Variants in FER1L6 observed in about 807,000 individuals in gnomAD.
The protein encoded by FER1L6 is fer-1-like protein 6.
A neutral mutation model predicts 219.2 loss-of-function variants in FER1L6; 177 were observed. The observed-to-expected ratio is 0.81, with a 90% CI of 0.71 to 0.91. The LOEUF is 0.91. Among genes scored for constraint, FER1L6 ranks in the 40% least tolerant of loss-of-function variants. FER1L6 has a pLI of 0.00. For missense variants in FER1L6, 2,153 were observed against 2,259.9 expected, an observed-to-expected ratio of 0.95 and a Z score of 0.96; for synonymous variants, 768 against 824.3, an observed-to-expected ratio of 0.93 and a Z score of 1.17.
intron 31 of FER1L6, among the ~76,000 whole-genome samples, chr8:124,073,623 G>A (rs1482633152): frequency 6.6e-6 from 1 of 152,032 alleles, no homozygotes; most frequent in East Asian, 1.9e-4. Flanking sequence ...AGATTAGTAT[G>A]TATAGGTCTT....
chr8:124,084,130 T>C (rs1821691626), intron 33 of FER1L6, among the ~76,000 whole-genome samples: 2 of 152,238 alleles, frequency 1.3e-5, no homozygotes, highest in East Asian at 1.9e-4. Context: ...GCAACTTTAC[T>C]GAATTTATCA....
chr8:124,055,951 GTCTC>G (rs1003855172), intron 22 of FER1L6, among the ~76,000 whole-genome samples: 1 of 151,786 alleles, frequency 6.6e-6, no homozygotes, highest in South Asian at 2.1e-4. Context: ...GCTTCTTCAA[GTCTC>G]TCTCTCTCAT....
intron 15 of FER1L6, among the ~76,000 whole-genome samples, chr8:124,015,041 A>G (rs187492146): frequency 1.1e-3 from 161 of 152,276 alleles, no homozygotes; most frequent in African/African-American, 3.8e-3. Flanking sequence ...GTTGGAGGCC[A>G]CCCTCAATGC....
At chr8:123,934,810 T>TC (rs369829119) in intron 1 of FER1L6, among the ~76,000 whole-genome samples, 158 of 152,168 alleles carry the variant, frequency 1.0e-3, no homozygotes, top group African/African-American at 3.8e-3. Context: ...GGGGTGGATT[T>TC]CCCCTTGATG....
At chr8:123,974,469 C>A (rs1433536649) in intron 7 of FER1L6, among the ~76,000 whole-genome samples, 2 of 151,662 alleles carry the variant, frequency 1.3e-5, no homozygotes, top group African/African-American at 4.8e-5. Flanking sequence ...AGCCCCATCT[C>A]TACTAAAAAT....
intron 1 of FER1L6, among the ~76,000 whole-genome samples, chr8:123,949,648 G>T (rs1025545078): frequency 2.0e-5 from 3 of 152,132 alleles, no homozygotes; most frequent in African/African-American, 7.2e-5. Context: ...ATATGGACTT[G>T]CCCACTCAGC....
intron 1 of FER1L6, among the ~76,000 whole-genome samples, chr8:123,903,015 AGTTT>A (rs538009475): frequency 2.0e-5 from 3 of 152,002 alleles, no homozygotes; most frequent in African/African-American, 2.4e-5. Context: ...ATTCTCTCAG[AGTTT>A]GTTTGTCTGA....
intron 1 of FER1L6, among the ~76,000 whole-genome samples, chr8:123,933,619 A>G (rs1416142773): frequency 6.6e-6 from 1 of 152,230 alleles, no homozygotes; most frequent in East Asian, 1.9e-4. Flanking sequence ...GAATAAGGCA[A>G]GATTTTAGAA....
At chr8:124,032,282 G>A (rs533418352) in intron 18 of FER1L6, among the ~76,000 whole-genome samples, 217 of 152,176 alleles carry the variant, frequency 1.4e-3, no homozygotes, top group Non-Finnish European at 2.6e-3. Flanking sequence ...AAAATTAGCC[G>A]GGTGTGGTGG....
chr8:124,056,990 G>A (rs547555652), intron 22 of FER1L6, among the ~76,000 whole-genome samples: 24 of 152,174 alleles, frequency 1.6e-4, no homozygotes, highest in Non-Finnish European at 3.5e-4. Flanking sequence ...GTTGCAGTGA[G>A]CAGGGATCGC....
intron 1 of FER1L6, among the ~76,000 whole-genome samples, chr8:123,903,693 G>A (rs901433423): frequency 3.9e-5 from 6 of 152,054 alleles, no homozygotes; most frequent in Non-Finnish European, 5.9e-5. Context: ...GGCATATGAA[G>A]TCTACGCTTA....
intron 22 of FER1L6, among the ~76,000 whole-genome samples, chr8:124,056,043 C>T (rs1183543871): frequency 6.6e-6 from 1 of 152,192 alleles, no homozygotes; most frequent in Non-Finnish European, 1.5e-5. Flanking sequence ...GCTGCTGCCT[C>T]ATAAGGACCC....
At chr8:124,031,799 G>A (rs977077128) in intron 18 of FER1L6, among the ~76,000 whole-genome samples, 2 of 152,116 alleles carry the variant, frequency 1.3e-5, no homozygotes, top group Non-Finnish European at 2.9e-5. Context: ...GAAGGCAGGG[G>A]CAGACATGTA....
chr8:123,902,209 C>G (rs942836191), intron 1 of FER1L6, among the ~76,000 whole-genome samples: 38 of 152,126 alleles, frequency 2.5e-4, no homozygotes, highest in Non-Finnish European at 5.9e-5. Flanking sequence ...TTTATTGAGG[C>G]TCATTTTATG....
intron 1 of FER1L6, among the ~76,000 whole-genome samples, chr8:123,881,658 G>C (rs577202249): frequency 4.6e-5 from 7 of 152,272 alleles, no homozygotes; most frequent in African/African-American, 1.7e-4. Context: ...CTTCAATACC[G>C]TAGACCCTGT....
intron 2 of FER1L6, among the ~76,000 whole-genome samples, chr8:123,958,394 G>A (rs550442907): frequency 7.9e-4 from 121 of 152,276 alleles, no homozygotes; most frequent in African/African-American, 2.3e-3. Context: ...GGAGGGAGGA[G>A]CATGGGTCAG....
intron 1 of FER1L6, among the ~76,000 whole-genome samples, chr8:123,949,607 A>G (rs1814667633): frequency 6.6e-6 from 1 of 152,234 alleles, no homozygotes; most frequent in Non-Finnish European, 1.5e-5. Flanking sequence ...ACTAGAGTCC[A>G]GATTGATTTT....
chr8:124,064,078 G>A (rs1285659228), intron 25 of FER1L6, among the ~76,000 whole-genome samples: 1 of 152,092 alleles, frequency 6.6e-6, no homozygotes, highest in Non-Finnish European at 1.5e-5. Flanking sequence ...GACCACAATT[G>A]ATTAAAATTA....
chr8:123,855,464 G>C (rs570147888), intron 1 of FER1L6, among the ~76,000 whole-genome samples: 17 of 152,228 alleles, frequency 1.1e-4, no homozygotes, highest in African/African-American at 4.1e-4. Context: ...GTAGAGCAGA[G>C]GGTTGGTTAG....
Sources: allele counts gnomAD v4.1 joint callset (sites outside exome capture counted in the v4.1 genomes callset), GRCh38; gene constraint gnomAD v4.1.1; transcripts MANE v1.5; gene names NCBI Gene and HGNC (gene_info 2026-07-23, HGNC 2026-07-21).